NWD1: variants seen among roughly 807,000 people sequenced by gnomAD.
NWD1 encodes NACHT domain- and WD repeat-containing protein 1.
NWD1 carries 129 observed loss-of-function variants against 135.1 expected under a neutral mutation model. The ratio of observed to expected loss-of-function variants is 0.96; its 90% CI spans 0.83 to 1.11. The LOEUF is 1.11. Among genes scored for constraint, NWD1 ranks in the 50% least tolerant of loss-of-function variants. The pLI is 0.00. For missense variants in NWD1, 1,740 were observed against 1,851.3 expected (o/e 0.94, Z 1.10); for synonymous variants, 773 against 786.0 (o/e 0.98, Z 0.28).
intron 15 of NWD1, among the ~76,000 whole-genome samples, chr19:16,795,417 T>A (rs1970386994): frequency 8.5e-6 from 1 of 117,760 alleles, no homozygotes; most frequent in African/African-American, 3.4e-5. Flanking sequence ...CTAATTACCT[T>A]TTTTTTTTTT....
At position 16,744,653 on chromosome 19, in the gene NWD1, G is replaced by C; in HGVS notation, c.431G>C (p.Gly144Ala). The change falls in exon 5 of 19, where the codon GGA becomes GCA. Residue 144 changes from glycine (G) to alanine (A), a missense_variant. Physicochemically the swap from Gly to Ala is moderately conservative, Grantham distance 60 (BLOSUM62 0). Transcript: ENST00000524140. Reference protein sequence around the residue: ...EATLTSVLRSGAQEARRLGLI... With the variant: ...EATLTSVLRSAAQEARRLGLI... Reference sequence around the variant, plus strand: ...ACCTTAACTTCTGTCCTACGCTCTGGAGCCCAGGAGGCCCGGAGGCTGGGG... The same window carrying C: ...ACCTTAACTTCTGTCCTACGCTCTGCAGCCCAGGAGGCCCGGAGGCTGGGG... The C allele has an allele frequency of 6.5e-7, 1 of 1,535,878 alleles. No individual in the cohort carries two copies. The highest frequency in any genetic ancestry group is 8.7e-7 in the Non-Finnish European group (1 of 1,146,838).
At chr19:16,757,510 A>G (rs527393387) in intron 6 of NWD1, among the ~76,000 whole-genome samples, 56 of 152,306 alleles carry the variant, frequency 3.7e-4, no homozygotes, top group Admixed American at 1.2e-3. Context: ...CAGATGAGGA[A>G]ACTGAGGCAA....
At chr19:16,797,548 A>G (rs1368524122) in intron 15 of NWD1, among the ~76,000 whole-genome samples, 184 bp from the exon 16 acceptor site, 3 of 152,022 alleles carry the variant, frequency 2.0e-5, no homozygotes, top group Non-Finnish European at 4.4e-5. Flanking sequence ...GGGGTTCACC[A>G]TGTTGGCCAG....
intron 7 of NWD1, among the ~76,000 whole-genome samples, chr19:16,759,705 C>T (rs1452324991): frequency 2.6e-5 from 4 of 152,074 alleles, no homozygotes; most frequent in Non-Finnish European, 4.4e-5. Context: ...AGCGAGGCCC[C>T]ATCTCTACAA....
rs754022128 is a variant in NWD1, at chr19:16,808,156, A to G, written c.4287+20A>G. On this transcript the variant is annotated intron_variant, in intron 18 of 18. Coordinates refer to ENST00000524140, the MANE Select transcript of NWD1 (RefSeq NM_001007525.5). ...TACACGGTGGGTGGCCCGCCTCCCC[A>G]TGTTCATGCTAGACCCAGGCATTGG... 9.3e-6 allele frequency: 15 copies of G among 1,607,728 alleles called. No homozygotes were observed. The highest frequency in any genetic ancestry group is 1.3e-5 in the African/African-American group (1 of 74,768).
Position 16,789,120 on chromosome 19 carries a change from C to T in NWD1, c.2870C>T (p.Ala957Val). The T allele has an allele frequency of 6.2e-7, 1 of 1,614,016 alleles. No homozygotes were observed. The highest frequency in any genetic ancestry group is 1.3e-5 in the African/African-American group (1 of 75,044). The change falls in exon 13 of 19, where the codon GCT becomes GTT. Residue 957 changes from alanine (A) to valine (V), a missense_variant. Ala to Val is a moderately conservative substitution (Grantham distance 64). Coordinates refer to ENST00000524140, the MANE Select transcript of NWD1 (RefSeq NM_001007525.5). ...TGGGATGGAGGCTCAAAAAATCCCG[C>T]TGAACCTCAGATCTGGAACCTTCAT... is the stretch of plus-strand genomic sequence containing the variant. ...TIWDGGSKNP[A>V]EPQIWNLHVD... is the part of the protein sequence containing the mutation.
chr19:16,794,427 T>C (rs1320700914), intron 14 of NWD1, 36 bp from the exon 15 acceptor site: 1 of 1,240,394 alleles, frequency 8.1e-7, no homozygotes. Flanking sequence ...CCTTAACCCG[T>C]GGAAGTGCCT....
chr19:16,807,804 G>A lies in NWD1; in HGVS notation c.3955G>A (p.Asp1319Asn), dbSNP rs778823432. 32 of 1,614,004 alleles carry A rather than the reference G, an allele frequency of 2.0e-5. No homozygotes were observed. In the East Asian group the frequency reaches 6.7e-4, roughly 34 times the overall value. Residue 1319 changes from aspartate (D) to asparagine (N), a missense_variant, in exon 18 of 19, where the codon GAC (aspartate) becomes AAC (asparagine). Transcript: ENST00000524140. ...KCEDRLAIAYDNIVLVLDITS... is the reference protein window; with the variant it reads ...KCEDRLAIAYNNIVLVLDITS... ...CGAGGACCGCCTGGCCATCGCCTAT[G>A]ACAACATCGTCCTGGTGCTGGACAT...
intron 5 of NWD1, among the ~76,000 whole-genome samples, chr19:16,747,549 T>G (rs1968377574): frequency 6.6e-6 from 1 of 151,588 alleles, no homozygotes; most frequent in Non-Finnish European, 1.5e-5. Flanking sequence ...GCTAACTTAT[T>G]TTTTGTAGAG....
intron 4 of NWD1, among the ~76,000 whole-genome samples, chr19:16,737,065 C>T (rs977687113): frequency 6.6e-6 from 1 of 151,348 alleles, no homozygotes; most frequent in Non-Finnish European, 1.5e-5. Flanking sequence ...GTCTATAGAA[C>T]TTTGGGATCC....
intron 7 of NWD1, among the ~76,000 whole-genome samples, chr19:16,759,746 G>A (rs1210019849): frequency 1.3e-5 from 2 of 152,158 alleles, no homozygotes; most frequent in African/African-American, 2.4e-5. Flanking sequence ...AGGTGTGTTA[G>A]CACTTTGGGA....
At chr19:16,773,705 C>T (rs147955578) in intron 11 of NWD1, among the ~76,000 whole-genome samples, 4 of 152,268 alleles carry the variant, frequency 2.6e-5, no homozygotes, top group Middle Eastern at 6.8e-3. Flanking sequence ...CTTGGAATCC[C>T]AGAATGTAAG....
intron 1 of NWD1, among the ~76,000 whole-genome samples, chr19:16,720,843 G>A (rs1471426308): frequency 1.3e-5 from 2 of 151,902 alleles, no homozygotes; most frequent in African/African-American, 2.4e-5. Flanking sequence ...GTGAGCCACC[G>A]CACCTGGCCG....
intron 10 of NWD1, among the ~76,000 whole-genome samples, chr19:16,771,545 C>T (rs1374901122): frequency 6.6e-6 from 1 of 152,192 alleles, no homozygotes; most frequent in Non-Finnish European, 1.5e-5. Context: ...GAGAGGCGCT[C>T]GCCAGGAGTT....
chr19:16,790,892 G>T (rs1599538771), intron 13 of NWD1, among the ~76,000 whole-genome samples: 1 of 151,990 alleles, frequency 6.6e-6, no homozygotes, highest in African/African-American at 2.4e-5. Flanking sequence ...CACATGTGAG[G>T]CCTGGCCCAC....
intron 4 of NWD1, among the ~76,000 whole-genome samples, chr19:16,743,151 T>C (rs1245781510): frequency 6.6e-6 from 1 of 151,934 alleles, no homozygotes. Flanking sequence ...CCTCAAATGA[T>C]CTGCCCACCT....
intron 7 of NWD1, 123 bp downstream of exon 7, chr19:16,759,551 G>C: frequency 1.4e-6 from 1 of 712,516 alleles, no homozygotes; most frequent in Non-Finnish European, 2.4e-6. Context: ...ATCAAGTCCA[G>C]TTAGAACTCT....
chr19:16,730,304 G>A (rs1967505269), intron 2 of NWD1, among the ~76,000 whole-genome samples: 1 of 151,866 alleles, frequency 6.6e-6, no homozygotes, highest in African/African-American at 2.4e-5. Flanking sequence ...CCTGGTGACA[G>A]AGTAAGACTT....
At position 16,749,867 on chromosome 19, in the gene NWD1, GC is replaced by G. The variant is rs1005972161; in HGVS notation, c.1228del (p.His410ThrfsTer83). 3.1e-6 allele frequency: 5 copies of G among 1,613,194 alleles called. No individual in the cohort carries two copies. In the African/African-American group the frequency reaches 6.7e-5, roughly 22 times the overall value. ...LPLPPAQVLD[A>X]HTRVVQFFHT... is the part of the protein sequence containing the mutation. ...CTTGCCCCCTGCCCAGGTTCTGGAC[GC>G]CCACACCAGGGTGGTCCAGTTTTTC... On this transcript the variant is annotated frameshift_variant, in exon 6 of 19. Transcript: ENST00000524140. LOFTEE classifies it high-confidence loss of function.
Sources: gnomAD v4.1 joint callset for allele counts (sites outside exome capture counted in the v4.1 genomes callset) on GRCh38, gnomAD v4.1.1 for gene constraint, MANE v1.5 for transcripts, NCBI Gene and HGNC (gene_info 2026-07-23, HGNC 2026-07-21) for gene names.